The following NR6A1 variants were observed in gnomAD, a reference collection of about 807,000 sequenced individuals.
NR6A1 encodes the protein nuclear receptor subfamily 6 group A member 1.
In NR6A1, 7 loss-of-function variants were observed where a neutral mutation model predicts 59.1. That is an observed-to-expected ratio of 0.12 (90% CI 0.07 to 0.22). The LOEUF (loss-of-function observed/expected upper bound fraction) is 0.22. Among genes scored for constraint, NR6A1 ranks in the 10% least tolerant of loss-of-function variants. NR6A1 has a pLI of 1.00. For missense variants in NR6A1, 468 were observed against 611.6 expected (o/e 0.77, Z 2.48); for synonymous variants, 243 against 236.1 (o/e 1.03, Z -0.27).
chr9:124,570,987 T>A (rs1834422749), intron 2 of NR6A1, among the ~76,000 whole-genome samples: 1 of 152,238 alleles, frequency 6.6e-6, no homozygotes, highest in Admixed American at 6.5e-5. Flanking sequence ...CCTTTATGTA[T>A]CTCATGGCAG....
intron 3 of NR6A1, among the ~76,000 whole-genome samples, chr9:124,549,893 T>C (rs1833718727): frequency 6.6e-6 from 1 of 152,242 alleles, no homozygotes; most frequent in Admixed American, 6.5e-5. Flanking sequence ...ATATCTTTTG[T>C]TCCAGAACAC....
At chr9:124,670,787 T>C (rs902810984) in intron 2 of NR6A1, among the ~76,000 whole-genome samples, 2 of 152,136 alleles carry the variant, frequency 1.3e-5, no homozygotes, top group Non-Finnish European at 2.9e-5. Flanking sequence ...TATCTAAAGA[T>C]TGTCAGGGTA....
intron 2 of NR6A1, among the ~76,000 whole-genome samples, chr9:124,625,896 C>G (rs1461182244): frequency 1.3e-5 from 2 of 152,220 alleles, no homozygotes; most frequent in African/African-American, 2.4e-5. Context: ...TGGACTTGAA[C>G]TGGAACATTG....
At chr9:124,720,850 C>A (rs1839543641) in intron 2 of NR6A1, among the ~76,000 whole-genome samples, 2 of 152,194 alleles carry the variant, frequency 1.3e-5, no homozygotes, top group South Asian at 4.1e-4. Context: ...TATCCCCCCA[C>A]TACTGATACG....
At chr9:124,633,881 C>T (rs537303199) in intron 2 of NR6A1, among the ~76,000 whole-genome samples, 4 of 152,320 alleles carry the variant, frequency 2.6e-5, no homozygotes, top group Admixed American at 2.6e-4. Flanking sequence ...GTTTTTTAAA[C>T]ACTTCCAGAA....
intron 2 of NR6A1, among the ~76,000 whole-genome samples, chr9:124,613,661 C>T (rs1835815471): frequency 6.6e-6 from 1 of 151,732 alleles, no homozygotes; most frequent in African/African-American, 2.4e-5. Context: ...GACTCTATCT[C>T]AAACAAAACA....
At chr9:124,625,185 A>C (rs1836199682) in intron 2 of NR6A1, among the ~76,000 whole-genome samples, 1 of 152,198 alleles carries the variant, frequency 6.6e-6, no homozygotes, top group South Asian at 2.1e-4. Context: ...ACTAGCTGTG[A>C]GACCTTGGAG....
rs115465826 is a variant in NR6A1 at position 124,561,092 on chromosome 9, T to C, written c.143-6522A>G. Reference sequence around the variant, plus strand: ...TAGATGTACCTCTGTTTCTCTTCTATAGAATGTGGATATTATATTATATTA... The same window carrying C: ...TAGATGTACCTCTGTTTCTCTTCTACAGAATGTGGATATTATATTATATTA... On this transcript the variant is annotated intron_variant, in intron 2 of 9. Coordinates refer to ENST00000487099, the MANE Select transcript of NR6A1 (RefSeq NM_033334.4). Among the ~76,000 whole-genome samples, 238 of 152,162 alleles carry C rather than the reference T, an allele frequency of 1.6e-3. 1 individual carries two copies. The highest frequency in any genetic ancestry group is 5.5e-3 in the African/African-American group (229 of 41,522).
intron 2 of NR6A1, among the ~76,000 whole-genome samples, chr9:124,591,860 T>C (rs1396146500): frequency 2.4e-4 from 36 of 151,970 alleles, no homozygotes; most frequent in Admixed American, 2.4e-3. Context: ...AATTATAGCG[T>C]TTTCCCCAAG....
intron 2 of NR6A1, among the ~76,000 whole-genome samples, chr9:124,631,393 T>C (rs1836437093): frequency 6.6e-6 from 1 of 152,234 alleles, no homozygotes; most frequent in Non-Finnish European, 1.5e-5. Context: ...CTTTTTAATC[T>C]ATATACAAAA....
intron 9 of NR6A1, 98 bp downstream of exon 9, chr9:124,524,623 G>A: frequency 2.2e-6 from 3 of 1,384,340 alleles, no homozygotes; most frequent in Non-Finnish European, 2.0e-6. Flanking sequence ...AGTTGGTGAT[G>A]GGCTGGAAAG....
intron 1 of NR6A1, among the ~76,000 whole-genome samples, chr9:124,746,545 C>G (rs527475598): frequency 1.3e-4 from 19 of 151,958 alleles, no homozygotes; most frequent in African/African-American, 4.1e-4. Flanking sequence ...GCCAAGATTG[C>G]CTACTGCACT....
chr9:124,604,900 G>A (rs1835538332), intron 2 of NR6A1, among the ~76,000 whole-genome samples: 2 of 152,066 alleles, frequency 1.3e-5, no homozygotes, highest in South Asian at 2.1e-4. Context: ...TTATACCACA[G>A]GGTAATAAAC....
chr9:124,699,120 T>TA (rs1838856186), intron 2 of NR6A1, among the ~76,000 whole-genome samples: 1 of 152,188 alleles, frequency 6.6e-6, no homozygotes, highest in African/African-American at 2.4e-5. Flanking sequence ...CGACTAAATA[T>TA]ACCCTCTCCA....
At chr9:124,574,531 TC>T (rs2131440217) in intron 2 of NR6A1, among the ~76,000 whole-genome samples, 1 of 152,306 alleles carries the variant, frequency 6.6e-6, no homozygotes, top group East Asian at 1.9e-4. Flanking sequence ...AAAATATAAT[TC>T]CCTGCAATGA....
chr9:124,561,263 C>G (rs1834077252), intron 2 of NR6A1, among the ~76,000 whole-genome samples: 1 of 152,086 alleles, frequency 6.6e-6, no homozygotes, highest in Admixed American at 6.5e-5. Context: ...TGGCAAAACC[C>G]TGTCTCTACA....
intron 2 of NR6A1, among the ~76,000 whole-genome samples, chr9:124,572,035 G>A (rs936546569): frequency 2.0e-5 from 3 of 152,220 alleles, no homozygotes; most frequent in Admixed American, 2.0e-4. Context: ...GGAAAATATG[G>A]ACAGTACAAT....
intron 2 of NR6A1, among the ~76,000 whole-genome samples, chr9:124,574,691 G>C (rs1031920560): frequency 3.3e-5 from 5 of 152,024 alleles, no homozygotes; most frequent in African/African-American, 9.7e-5. Context: ...CATCACAGTG[G>C]GTGGCCATCT....
rs113853837 is a variant in NR6A1 at position 124,602,791 on chromosome 9, G to C, written c.143-48221C>G. Among the ~76,000 whole-genome samples the C allele has an allele frequency of 8.2e-3, 1,247 of 152,258 alleles. 16 individuals carry two copies. Among genetic ancestry groups the C allele is most frequent in the African/African-American group, 0.029 (1,190 of 41,538 alleles). On this transcript the variant is annotated intron_variant, in intron 2 of 9. Coordinates refer to ENST00000487099, the MANE Select transcript of NR6A1 (RefSeq NM_033334.4). Reference sequence around the variant, plus strand: ...CATTGAGTCCCATCAGTGGTTCCCAGGAACCTATGGTATAAAGGCCCACAC... The same window carrying C: ...CATTGAGTCCCATCAGTGGTTCCCACGAACCTATGGTATAAAGGCCCACAC...
Sources: allele counts gnomAD v4.1 joint callset (sites outside exome capture counted in the v4.1 genomes callset), GRCh38; gene constraint gnomAD v4.1.1; transcripts MANE v1.5; gene names NCBI Gene and HGNC (gene_info 2026-07-23, HGNC 2026-07-21).